The following DPP6 variants were observed in gnomAD, a reference collection of about 807,000 sequenced individuals.
DPP6 encodes the protein dipeptidyl peptidase like 6.
Under a neutral mutation model 122.6 loss-of-function variants are expected in DPP6, and 69 were observed. That is an observed-to-expected ratio of 0.56 (90% CI 0.46 to 0.69). The LOEUF is 0.69. Ranked by LOEUF, DPP6 falls within the 30% of genes least tolerant of loss-of-function variation. The pLI is 0.00. For synonymous variants in DPP6, 418 were observed against 433.1 expected (o/e 0.97, Z 0.43); for missense variants, 928 against 1,116.9 (o/e 0.83, Z 2.41).
At chr7:154,263,319 A>G (rs756644808) in intron 1 of DPP6, among the ~76,000 whole-genome samples, 5 of 152,216 alleles carry the variant, frequency 3.3e-5, no homozygotes, top group Non-Finnish European at 7.3e-5. Flanking sequence ...TGCCAGGACA[A>G]ATTCTTCACT....
chr7:153,873,740 G>A, the DPP6 span, among the ~76,000 whole-genome samples: 38 of 152,170 alleles, frequency 2.5e-4, 1 homozygote, highest in Admixed American at 2.4e-3. Flanking sequence ...GAACAAATCC[G>A]CTATCAGGAA....
chr7:154,544,991 C>A (rs529601799), intron 4 of DPP6, among the ~76,000 whole-genome samples: 38 of 152,264 alleles, frequency 2.5e-4, no homozygotes, highest in African/African-American at 7.9e-4. Context: ...AGGTCCATCC[C>A]TCATGAAGCT....
At chr7:154,292,846 G>A (rs1805297234) in intron 1 of DPP6, among the ~76,000 whole-genome samples, 1 of 152,078 alleles carries the variant, frequency 6.6e-6, no homozygotes, top group Non-Finnish European at 1.5e-5. Context: ...TGTTCTAATA[G>A]GAAATACCTA....
intron 5 of DPP6, chr7:154,587,957 C>T: frequency 6.2e-7 from 1 of 1,612,932 alleles, no homozygotes; most frequent in Non-Finnish European, 8.5e-7. Context: ...AGCCATGCAC[C>T]TGCAGCCCTC....
chr7:154,504,641 CA>C (rs1447319397), intron 3 of DPP6, among the ~76,000 whole-genome samples: 4 of 152,114 alleles, frequency 2.6e-5, no homozygotes, highest in Admixed American at 6.6e-5. Flanking sequence ...CATTACAACC[CA>C]AAAGCTCAAT....
Position 154,752,594 on chromosome 7 carries a change from C to T in DPP6, c.884-16823C>T, listed in dbSNP as rs544754362. 7.0e-4 allele frequency among the ~76,000 whole-genome samples: 107 copies of T among 152,272 alleles called. 3 individuals are homozygous for T. In the South Asian group the frequency reaches 0.021, roughly 30 times the overall value. On this transcript the variant is annotated intron_variant, in intron 8 of 25. Transcript: ENST00000377770. ...TGGCCTCCTGGTCTTCCTGTAGGTA[C>T]TAAGGAGGCCTCACCCTTCTGGGAT...
chr7:154,853,946 C>A, intron 17 of DPP6, 119 bp downstream of exon 17: 1 of 1,385,410 alleles, frequency 7.2e-7, no homozygotes. Flanking sequence ...GAGTCATGTC[C>A]TAGCAGTTCA....
At chr7:154,552,473 A>G (rs1829708292) in intron 4 of DPP6, among the ~76,000 whole-genome samples, 1 of 152,218 alleles carries the variant, frequency 6.6e-6, no homozygotes, top group African/African-American at 2.4e-5. Flanking sequence ...TGTTGATTTC[A>G]GGAAGAACTC....
chr7:153,932,901 C>T (rs9770687), intron 1 of DPP6, among the ~76,000 whole-genome samples: 10,053 of 152,100 alleles, frequency 0.066, 349 homozygotes, highest in African/African-American at 0.086. Flanking sequence ...CGGGACGTGG[C>T]GGGAGGTATT....
chr7:154,076,404 T>C (rs2429602), intron 1 of DPP6, among the ~76,000 whole-genome samples: 27 of 151,870 alleles, frequency 1.8e-4, no homozygotes, highest in East Asian at 5.8e-4. Flanking sequence ...GAGCCGAGAT[T>C]GTGGCAATGC....
intron 7 of DPP6, among the ~76,000 whole-genome samples, chr7:154,694,881 AC>A (rs997576183): frequency 2.0e-5 from 3 of 151,828 alleles, no homozygotes; most frequent in African/African-American, 7.3e-5. Context: ...TGGCGCCACC[AC>A]CTTCTCCTCG....
At chr7:154,373,470 A>G (rs1030403082) in intron 1 of DPP6, among the ~76,000 whole-genome samples, 1 of 152,230 alleles carries the variant, frequency 6.6e-6, no homozygotes, top group Non-Finnish European at 1.5e-5. Flanking sequence ...ACAGGTGCTC[A>G]TGCTAGCTCC....
At chr7:154,482,006 A>G (rs1004376938) in intron 3 of DPP6, among the ~76,000 whole-genome samples, 1 of 152,244 alleles carries the variant, frequency 6.6e-6, no homozygotes, top group African/African-American at 2.4e-5. Flanking sequence ...TTTGATACTT[A>G]AACAGCCTAG....
chr7:154,773,824 G>A (rs993657670), intron 10 of DPP6, among the ~76,000 whole-genome samples: 1 of 152,142 alleles, frequency 6.6e-6, no homozygotes, highest in Non-Finnish European at 1.5e-5. Context: ...GAAAGGGCAG[G>A]AATCGAGGCC....
intron 1 of DPP6, among the ~76,000 whole-genome samples, chr7:154,416,335 T>C (rs1206954958): frequency 2.0e-5 from 3 of 152,138 alleles, no homozygotes; most frequent in Non-Finnish European, 4.4e-5. Flanking sequence ...AGTAGTAAGC[T>C]AACACAACAC....
chr7:154,864,562 CTT>C (rs1803690565), intron 17 of DPP6, among the ~76,000 whole-genome samples: 1 of 152,214 alleles, frequency 6.6e-6, no homozygotes, highest in African/African-American at 2.4e-5. Flanking sequence ...ATATGCCAAT[CTT>C]TTCTTATTTC....
chr7:154,240,131 A>G (rs1801493469), intron 1 of DPP6, among the ~76,000 whole-genome samples: 2 of 151,836 alleles, frequency 1.3e-5, no homozygotes, highest in African/African-American at 4.8e-5. Flanking sequence ...GAATTTTGTA[A>G]AATTGTTCAG....
chr7:154,770,577 C>G (rs1796195347), intron 9 of DPP6, among the ~76,000 whole-genome samples: 1 of 152,202 alleles, frequency 6.6e-6, no homozygotes. Flanking sequence ...ACTGAATCAG[C>G]CAGCACCTTG....
chr7:153,786,597 G>A, the DPP6 span, among the ~76,000 whole-genome samples: 27 of 151,766 alleles, frequency 1.8e-4, no homozygotes, highest in African/African-American at 5.8e-4. Flanking sequence ...AAATTAGCCG[G>A]GCGTGGTGGC....
Sources: allele counts gnomAD v4.1 joint callset (sites outside exome capture counted in the v4.1 genomes callset), GRCh38; gene constraint gnomAD v4.1.1; transcripts MANE v1.5; gene names NCBI Gene and HGNC (gene_info 2026-07-23, HGNC 2026-07-21).